The following PIAS4 variants were observed in gnomAD, a reference collection of about 807,000 sequenced individuals.
The protein encoded by PIAS4 is protein inhibitor of activated STAT 4, also known as E3 SUMO-protein ligase PIAS4.
In PIAS4, 7 loss-of-function variants were observed where a neutral mutation model predicts 58.0. The observed-to-expected ratio is 0.12, with a 90% CI of 0.07 to 0.23. The LOEUF is 0.23. Among genes scored for constraint, PIAS4 ranks in the 10% least tolerant of loss-of-function variants. The pLI, the probability that PIAS4 is intolerant of heterozygous loss-of-function variation, is 1.00. For missense variants in PIAS4, 550 were observed against 709.5 expected (o/e 0.78, Z 2.55); for synonymous variants, 364 against 312.4 (o/e 1.17, Z -1.74).
chr19:4,031,948 G>C (rs536923869), intron 7 of PIAS4, among the ~76,000 whole-genome samples: 15 of 152,206 alleles, frequency 9.9e-5, no homozygotes, highest in Non-Finnish European at 1.8e-4. Context: ...TGGGATCCAA[G>C]GATGGAAACT....
intron 3 of PIAS4, among the ~76,000 whole-genome samples, chr19:4,027,240 C>T (rs556096097): frequency 6.4e-4 from 98 of 152,250 alleles, no homozygotes; most frequent in Admixed American, 2.1e-3. Flanking sequence ...CACCCACCTC[C>T]GCCTCCCAAA....
chr19:4,020,680 G>A (rs754087741), intron 2 of PIAS4, among the ~76,000 whole-genome samples: 38 of 152,108 alleles, frequency 2.5e-4, no homozygotes, highest in Non-Finnish European at 4.9e-4. Context: ...GGCTGGTCTC[G>A]AACTTCTGAG....
At chr19:4,025,801 C>T (rs1224835483) in intron 3 of PIAS4, among the ~76,000 whole-genome samples, 2 of 152,088 alleles carry the variant, frequency 1.3e-5, no homozygotes, top group East Asian at 1.9e-4. Context: ...GGGCTGGGCA[C>T]GGTGGCTCAC....
chr19:4,022,045 A>G (rs979123762), intron 2 of PIAS4, among the ~76,000 whole-genome samples: 8 of 151,892 alleles, frequency 5.3e-5, no homozygotes, highest in African/African-American at 1.9e-4. Context: ...ACCATGCCCA[A>G]TCTGGACCTG....
chr19:4,032,690 C>T (rs868198576), intron 7 of PIAS4, among the ~76,000 whole-genome samples: 11 of 152,206 alleles, frequency 7.2e-5, no homozygotes, highest in Non-Finnish European at 8.8e-5. Flanking sequence ...CCCCAGGATC[C>T]GTCTCCCAAA....
chr19:4,032,982 CTCA>C (rs1358512639), intron 7 of PIAS4, 115 bp from the exon 8 acceptor site: 9 of 792,122 alleles, frequency 1.1e-5, no homozygotes, highest in Non-Finnish European at 1.9e-5. Context: ...AAGCTTGGGA[CTCA>C]TCGTCAGGGG....
At chr19:4,019,922 CT>C (rs772388255) in intron 2 of PIAS4, among the ~76,000 whole-genome samples, 7,835 of 144,498 alleles carry the variant, frequency 0.054, 688 homozygotes, top group African/African-American at 0.18. Context: ...TGGCTTTTTT[CT>C]TTTTTTTTTT....
intron 2 of PIAS4, among the ~76,000 whole-genome samples, chr19:4,020,060 G>A (rs1179938956): frequency 6.6e-6 from 1 of 152,126 alleles, no homozygotes. Context: ...GGGACCACAG[G>A]CGCCTGCCAC....
intron 2 of PIAS4, among the ~76,000 whole-genome samples, chr19:4,018,165 A>G (rs2040070846): frequency 6.6e-6 from 1 of 152,204 alleles, no homozygotes; most frequent in East Asian, 1.9e-4. Flanking sequence ...AACTTGTACA[A>G]TTATGCGCTT....
At chr19:4,018,434 CCTT>C (rs1392406383) in intron 2 of PIAS4, 5 of 152,204 alleles carry the variant, frequency 3.3e-5, no homozygotes, top group East Asian at 1.9e-4. Flanking sequence ...ACGGCTGGGC[CCTT>C]CTTGTTGGGC....
intron 2 of PIAS4, among the ~76,000 whole-genome samples, chr19:4,018,092 G>A (rs552451545): frequency 2.0e-4 from 31 of 152,232 alleles, no homozygotes; most frequent in Non-Finnish European, 3.2e-4. Context: ...GATTATAGGC[G>A]TGAGCCACCA....
chr19:4,009,364 G>C, intron 1 of PIAS4, among the ~76,000 whole-genome samples: 1 of 152,112 alleles, frequency 6.6e-6, no homozygotes, highest in East Asian at 1.9e-4. Context: ...GTGGAGGCCT[G>C]AACTCTGTAA....
rs1183324112 is a variant in PIAS4, at chr19:4,036,161, TACAA to T, written c.1143-1209_1143-1206del. Among the ~76,000 whole-genome samples the T allele has an allele frequency of 1.9e-3, 36 of 18,908 alleles. 1 individual carries two copies. The highest frequency in any genetic ancestry group is 6.2e-3 in the East Asian group (1 of 162). 12.4% of individuals were successfully genotyped at this position (18,908 alleles called of 152,430 possible). ...CACATCCGTACAGTCCACACCGTCA[TACAA>T]ACACACACACATCTATACAGTCCAC... On this transcript the variant is annotated intron_variant, in intron 9 of 10. Transcript: ENST00000262971.
rs923391851 is a variant in PIAS4, at chr19:4,037,159, G to A, written c.1143-215G>A. 5.9e-5 allele frequency among the ~76,000 whole-genome samples: 9 copies of A among 152,328 alleles called. No homozygotes were observed. Among genetic ancestry groups the A allele is most frequent in the East Asian group, 3.9e-4 (2 of 5,188 alleles). On this transcript the variant is annotated intron_variant, in intron 9 of 10. Coordinates refer to ENST00000262971, the MANE Select transcript of PIAS4 (RefSeq NM_015897.4). The surrounding 1 kb of genome is among the most constrained non-coding windows in gnomAD (Gnocchi z 5.8). ...CATGCCCCGTCCCCCCGGCAGTGCC[G>A]TGCACTGCAGACCTGCCTGGGGCTC...
intron 2 of PIAS4, among the ~76,000 whole-genome samples, chr19:4,015,462 C>T (rs891272159): frequency 1.3e-5 from 2 of 152,190 alleles, no homozygotes; most frequent in Non-Finnish European, 2.9e-5. Flanking sequence ...AGGCCATCCC[C>T]ACCCTGCCTC....
Position 4,033,596 on chromosome 19 carries a change from C to A in PIAS4, c.1142+16C>A, listed in dbSNP as rs776045539. 6.3e-7 allele frequency: 1 copy of A among 1,582,898 alleles called. No individual in the cohort carries two copies. The highest frequency in any genetic ancestry group is 1.3e-5 in the African/African-American group (1 of 74,528). ...TCATCGACGGGTGAGCCCGGGGCCC[C>A]GGGGAGGGCGGCCGGAGCCGGACAT... is the stretch of plus-strand genomic sequence containing the variant. On this transcript the variant is annotated intron_variant, in intron 9 of 10. Coordinates refer to ENST00000262971, the MANE Select transcript of PIAS4 (RefSeq NM_015897.4).
At chr19:4,014,597 C>T (rs767348300) in intron 2 of PIAS4, among the ~76,000 whole-genome samples, 5 of 152,162 alleles carry the variant, frequency 3.3e-5, no homozygotes, top group Admixed American at 6.5e-5. Context: ...AACATCGGAG[C>T]GCCTGCTGGG....
intron 7 of PIAS4, among the ~76,000 whole-genome samples, chr19:4,032,679 G>T (rs1273814102): frequency 1.3e-5 from 2 of 152,214 alleles, no homozygotes; most frequent in African/African-American, 4.8e-5. Context: ...CAGCCAGGAA[G>T]CCCCAGGATC....
chr19:4,010,791 G>T (rs2039985469), intron 1 of PIAS4, among the ~76,000 whole-genome samples: 1 of 152,236 alleles, frequency 6.6e-6, no homozygotes, highest in African/African-American at 2.4e-5. Context: ...CTGGTGCCTG[G>T]TAGGGAGCAA....
Sources: gnomAD v4.1 joint callset for allele counts (sites outside exome capture counted in the v4.1 genomes callset) on GRCh38, gnomAD v4.1.1 for gene constraint, Gnocchi (gnomAD v3.1) non-coding constraint, MANE v1.5 for transcripts, NCBI Gene and HGNC (gene_info 2026-07-23, HGNC 2026-07-21) for gene names.